Variants in NMNAT2 observed in about 807,000 individuals in gnomAD.
The protein encoded by NMNAT2 is nicotinamide nucleotide adenylyltransferase 2, also known as nicotinamide/nicotinic acid mononucleotide adenylyltransferase 2.
In NMNAT2, 11 loss-of-function variants were observed where a neutral mutation model predicts 41.6. That is an observed-to-expected ratio of 0.26 (90% confidence interval 0.17 to 0.44). The LOEUF is 0.44. Ranked by LOEUF, NMNAT2 falls within the 20% of genes least tolerant of loss-of-function variation. NMNAT2 has a pLI of 1.00. For missense variants in NMNAT2, 288 were observed against 407.7 expected, an observed-to-expected ratio of 0.71 and a Z score of 2.53; for synonymous variants, 148 against 151.2, an observed-to-expected ratio of 0.98 and a Z score of 0.16.
At chr1:183,344,206 T>G (rs952216928) in intron 1 of NMNAT2, among the ~76,000 whole-genome samples, 7 of 152,188 alleles carry the variant, frequency 4.6e-5, no homozygotes, top group Non-Finnish European at 7.3e-5. Context: ...GTTAGCACTG[T>G]GCTGAATGCG....
At chr1:183,312,938 C>G (rs1286910184) in intron 1 of NMNAT2, among the ~76,000 whole-genome samples, 1 of 152,102 alleles carries the variant, frequency 6.6e-6, no homozygotes. Context: ...ATCTCCTTTT[C>G]CTTTCTCATT....
At position 183,248,891 on chromosome 1, in the gene NMNAT2, AGT is replaced by A. The variant is rs71555406; in HGVS notation, c.*3748_*3749del. ...CTTCTCTCTCTTAGTCCCCTAAAAG[AGT>A]GTGTGTGTGTGTGTGTGTGTGTGTG... On this transcript the variant is annotated 3_prime_UTR_variant, in exon 11 of 11. Coordinates refer to ENST00000287713, the MANE Select transcript of NMNAT2 (RefSeq NM_015039.4). 0.22 allele frequency: 31,804 copies of A among 142,254 alleles called. 3,356 individuals are homozygous for A. Among genetic ancestry groups the A allele is most frequent in the East Asian group, 0.36 (1,742 of 4,872 alleles). 8.8% of individuals were successfully genotyped at this position (142,254 alleles called of 1,614,324 possible). A position where few individuals can be genotyped will look rare whatever the true frequency, so the allele number is the denominator to read the frequency against.
chr1:183,375,765 A>G (rs1163768951), intron 1 of NMNAT2, among the ~76,000 whole-genome samples: 1 of 149,384 alleles, frequency 6.7e-6, no homozygotes, highest in Non-Finnish European at 1.5e-5. Context: ...TCCTCCCTCC[A>G]ACTAAGTCCA....
At chr1:183,258,856 T>TGA (rs1457079530) in intron 10 of NMNAT2, among the ~76,000 whole-genome samples, 2 of 152,278 alleles carry the variant, frequency 1.3e-5, no homozygotes. Context: ...CTCTGACCAA[T>TGA]CCGCACTCCT....
intron 1 of NMNAT2, among the ~76,000 whole-genome samples, chr1:183,377,691 C>G (rs1270368287): frequency 6.6e-6 from 1 of 152,152 alleles, no homozygotes; most frequent in Non-Finnish European, 1.5e-5. Context: ...TCCTATACAA[C>G]ATGTTCAGTT....
At chr1:183,299,335 C>T (rs61811579) in intron 1 of NMNAT2, among the ~76,000 whole-genome samples, 2,145 of 151,586 alleles carry the variant, frequency 0.014, 27 homozygotes, top group Non-Finnish European at 0.022. Flanking sequence ...AAGATGGCGC[C>T]ACTGCACTCC....
chr1:183,282,841 A>G (rs1661304485), intron 7 of NMNAT2: 1 of 152,246 alleles, frequency 6.6e-6, no homozygotes, highest in Non-Finnish European at 1.5e-5. Context: ...TATTAAAATT[A>G]GTAAAATAAT....
intron 1 of NMNAT2, among the ~76,000 whole-genome samples, chr1:183,336,146 T>C (rs913782618): frequency 6.6e-6 from 1 of 152,218 alleles, no homozygotes; most frequent in African/African-American, 2.4e-5. Flanking sequence ...TAACCAACAG[T>C]AGCACTGTAG....
intron 1 of NMNAT2, among the ~76,000 whole-genome samples, chr1:183,357,077 T>C (rs1663208275): frequency 6.6e-6 from 1 of 152,096 alleles, no homozygotes; most frequent in Non-Finnish European, 1.5e-5. Context: ...AATGTATGAT[T>C]TGGGACGGCT....
At chr1:183,370,479 C>G (rs1663511523) in intron 1 of NMNAT2, among the ~76,000 whole-genome samples, 1 of 152,178 alleles carries the variant, frequency 6.6e-6, no homozygotes, top group Non-Finnish European at 1.5e-5. Context: ...GAGTGTCTGA[C>G]AGACAGCAGA....
At chr1:183,288,284 T>C (rs1296545010) in intron 4 of NMNAT2, among the ~76,000 whole-genome samples, 1 of 152,176 alleles carries the variant, frequency 6.6e-6, no homozygotes, top group Non-Finnish European at 1.5e-5. Context: ...ATTGGAGAGT[T>C]GTCCCAAGTC....
chr1:183,340,703 C>A (rs1416267338), intron 1 of NMNAT2, among the ~76,000 whole-genome samples: 1 of 152,078 alleles, frequency 6.6e-6, no homozygotes, highest in African/African-American at 2.4e-5. Flanking sequence ...AGCATATCTG[C>A]CTGGGTGCTG....
At chr1:183,400,309 C>T (rs1418792484) in intron 1 of NMNAT2, among the ~76,000 whole-genome samples, 1 of 152,166 alleles carries the variant, frequency 6.6e-6, no homozygotes, top group Non-Finnish European at 1.5e-5. Context: ...AACTCCCATT[C>T]ACAATTGCTT....
At chr1:183,359,378 C>A (rs534060316) in intron 1 of NMNAT2, among the ~76,000 whole-genome samples, 59 of 152,166 alleles carry the variant, frequency 3.9e-4, no homozygotes, top group Non-Finnish European at 7.4e-4. Context: ...CACTGCCCAC[C>A]CAAGAGATAG....
intron 1 of NMNAT2, among the ~76,000 whole-genome samples, chr1:183,315,356 T>C (rs923085741): frequency 6.6e-6 from 1 of 152,192 alleles, no homozygotes; most frequent in Non-Finnish European, 1.5e-5. Context: ...TATTTCCACA[T>C]TGGTGAACAC....
In NMNAT2 at chr1:183,357,782, G is replaced by T. The variant is rs558418603; in HGVS notation, c.85+60401C>A. On this transcript the variant is annotated intron_variant, in intron 1 of 10. Coordinates refer to ENST00000287713, the MANE Select transcript of NMNAT2 (RefSeq NM_015039.4). Reference sequence around the variant, plus strand: ...ATGTTGAACTTTTTTTCATATGATTGTTGGCCGCGTGTATGTCTTCTTTTG... The same window carrying T: ...ATGTTGAACTTTTTTTCATATGATTTTTGGCCGCGTGTATGTCTTCTTTTG... Among the ~76,000 whole-genome samples the T allele has an allele frequency of 3.3e-5, 5 of 152,094 alleles. No homozygotes were observed. In the South Asian group the frequency reaches 1.0e-3, roughly 32 times the overall value.
intron 1 of NMNAT2, among the ~76,000 whole-genome samples, chr1:183,363,040 G>A (rs1049616780): frequency 2.0e-5 from 3 of 152,140 alleles, no homozygotes; most frequent in Non-Finnish European, 4.4e-5. Context: ...TTTCCCTAGT[G>A]ACTAATGATG....
intron 1 of NMNAT2, among the ~76,000 whole-genome samples, chr1:183,348,995 G>GCAC (rs1280892004): frequency 6.6e-6 from 1 of 152,186 alleles, no homozygotes; most frequent in Non-Finnish European, 1.5e-5. Flanking sequence ...TGGACTCGGT[G>GCAC]CACCAGGTTG....
chr1:183,298,708 CT>C (rs1464224334), intron 1 of NMNAT2, among the ~76,000 whole-genome samples: 1 of 152,122 alleles, frequency 6.6e-6, no homozygotes, highest in African/African-American at 2.4e-5. Context: ...GCTGACAATC[CT>C]GAATTTATTT....
Sources: allele counts gnomAD v4.1 joint callset (sites outside exome capture counted in the v4.1 genomes callset), GRCh38; gene constraint gnomAD v4.1.1; transcripts MANE v1.5; gene names NCBI Gene and HGNC (gene_info 2026-07-23, HGNC 2026-07-21).